Variants in COL28A1 observed in about 807,000 individuals in gnomAD.
The protein encoded by COL28A1 is collagen alpha-1(XXVIII) chain.
Under a neutral mutation model 150.2 loss-of-function variants are expected in COL28A1, and 161 were observed. That is an observed-to-expected ratio of 1.07 (90% CI 0.94 to 1.22). The LOEUF is 1.22. Among genes scored for constraint, COL28A1 ranks in the 50% most tolerant of loss-of-function variants. The pLI is 0.00. For missense variants in COL28A1, 1,617 were observed against 1,388.3 expected (o/e 1.16, Z -2.62); for synonymous variants, 552 against 469.7 (o/e 1.18, Z -2.26).
chr7:7,491,296 C>T (rs998786775), intron 11 of COL28A1, among the ~76,000 whole-genome samples: 2 of 152,138 alleles, frequency 1.3e-5, no homozygotes, highest in East Asian at 1.9e-4. Flanking sequence ...TTCTGACAAA[C>T]GAGATGTGAA....
At chr7:7,541,359 T>A in the COL28A1 span, among the ~76,000 whole-genome samples, 1 of 152,188 alleles carries the variant, frequency 6.6e-6, no homozygotes. Context: ...TTAATAATAC[T>A]AAATTCTACA....
intron 27 of COL28A1, among the ~76,000 whole-genome samples, chr7:7,415,053 C>G (rs909749277): frequency 6.6e-6 from 1 of 152,216 alleles, no homozygotes; most frequent in Non-Finnish European, 1.5e-5. Context: ...GAATGAATGA[C>G]TGGCTGAAGA....
chr7:7,531,776 G>A lies in COL28A1; in HGVS notation c.253C>T (p.Arg85Cys), dbSNP rs754599895. 2.1e-5 allele frequency: 33 copies of A among 1,605,496 alleles called. No homozygotes were observed. The Middle Eastern group carries it at 5.0e-4, about 24-fold the overall frequency. The change falls in exon 3 of 35, where the codon CGC (arginine) becomes TGC (cysteine). Residue 85 changes from arginine to cysteine, a missense_variant. By Grantham distance (180) the Arg-to-Cys change is radical. Transcript: ENST00000399429. ...SDKIFQLTPG[R>C]SLEYDIKLAA... Reference sequence around the variant, plus strand: ...AGTTTGATGTCATATTCCAAGGAGCGACCAGGAGTCAATTGGAAAATCTTG... The same window carrying A: ...AGTTTGATGTCATATTCCAAGGAGCAACCAGGAGTCAATTGGAAAATCTTG...
At chr7:7,366,276 A>AT (rs1434102778) in intron 33 of COL28A1, among the ~76,000 whole-genome samples, 1 of 152,186 alleles carries the variant, frequency 6.6e-6, no homozygotes, top group Non-Finnish European at 1.5e-5. Context: ...AAATTTTAAA[A>AT]TAGTTTTGAA....
At chr7:7,344,406 TA>T in the COL28A1 span, among the ~76,000 whole-genome samples, 2,651 of 152,210 alleles carry the variant, frequency 0.017, 70 homozygotes, top group African/African-American at 0.055. Flanking sequence ...TTCTTTGTAT[TA>T]TTTTTTAATA....
chr7:7,439,823 G>A (rs1583375934), intron 21 of COL28A1, among the ~76,000 whole-genome samples: 2 of 152,296 alleles, frequency 1.3e-5, no homozygotes, highest in East Asian at 1.9e-4. Flanking sequence ...AGCTGAGGAT[G>A]GTAACAAGAA....
chr7:7,543,236 T>G, the COL28A1 span, among the ~76,000 whole-genome samples: 2 of 152,220 alleles, frequency 1.3e-5, no homozygotes, highest in Non-Finnish European at 2.9e-5. Context: ...AACAAGAATG[T>G]TGGTTGGCAT....
At position 7,531,454 on chromosome 7, in the gene COL28A1, G is replaced by A. The variant is rs767870351; in HGVS notation, c.575C>T (p.Thr192Met). ...GISFITIALS[T>M]VVNEAKLRLI... ...ACGAAGTTTGGCTTCATTGACTACC[G>A]TAGAAAGTGCAATGGTGATAAATGA... The change falls in exon 3 of 35, where the codon ACG becomes ATG. Residue 192 changes from threonine (T) to methionine (M), a missense_variant. Physicochemically the swap from Thr to Met is moderately conservative, Grantham distance 81. Transcript: ENST00000399429. 51 of 1,593,510 alleles carry A rather than the reference G, an allele frequency of 3.2e-5. 1 individual carries two copies. The highest frequency in any genetic ancestry group is 3.1e-4 in the African/African-American group (23 of 74,540).
chr7:7,340,402 C>G, the COL28A1 span, among the ~76,000 whole-genome samples: 2 of 152,066 alleles, frequency 1.3e-5, no homozygotes, highest in African/African-American at 4.8e-5. Flanking sequence ...GAATGAAATT[C>G]TTGGGACTAC....
At chr7:7,380,533 A>G in intron 30 of COL28A1, 127 bp downstream of exon 30, 1 of 756,856 alleles carries the variant, frequency 1.3e-6, no homozygotes, top group Non-Finnish European at 2.2e-6. Flanking sequence ...GGCTGGTAGT[A>G]GTTGATCTCA....
the COL28A1 span, among the ~76,000 whole-genome samples, chr7:7,346,516 T>A: frequency 1.4e-4 from 21 of 152,096 alleles, no homozygotes; most frequent in East Asian, 2.9e-3. Context: ...AATAAAGATT[T>A]CTCCCATTGT....
chr7:7,537,993 C>T (rs1436549142), upstream of COL28A1, among the ~76,000 whole-genome samples: 1 of 152,138 alleles, frequency 6.6e-6, no homozygotes, highest in East Asian at 1.9e-4. Context: ...TGCCTTGGAG[C>T]TGTTTTGATT....
intron 15 of COL28A1, among the ~76,000 whole-genome samples, chr7:7,465,476 T>G (rs1788009579): frequency 7.2e-6 from 1 of 139,690 alleles, no homozygotes; most frequent in Non-Finnish European, 1.6e-5. Context: ...TCTCGCTGAT[T>G]GCTAGCACAG....
intron 27 of COL28A1, among the ~76,000 whole-genome samples, chr7:7,388,008 T>C (rs1277938760): frequency 6.6e-5 from 10 of 152,254 alleles, no homozygotes; most frequent in African/African-American, 2.2e-4. Flanking sequence ...TTTGTATTCA[T>C]ACCAATTTCA....
intron 19 of COL28A1, 89 bp downstream of exon 19, chr7:7,444,329 T>C (rs1786073516): frequency 6.4e-7 from 1 of 1,567,074 alleles, no homozygotes. Context: ...AAGTTTGTCC[T>C]GAATGGTTTT....
At chr7:7,339,870 C>G in the COL28A1 span, among the ~76,000 whole-genome samples, 54 of 152,244 alleles carry the variant, frequency 3.5e-4, 1 homozygote, top group African/African-American at 1.3e-3. Flanking sequence ...CAAATTGTTT[C>G]TACATGATGA....
chr7:7,517,511 CA>C (rs1264868457), intron 7 of COL28A1, among the ~76,000 whole-genome samples: 3 of 152,132 alleles, frequency 2.0e-5, no homozygotes, highest in Admixed American at 1.3e-4. Context: ...AGAAATAAAG[CA>C]AACAGTTTTC....
chr7:7,438,207 G>A (rs1303764683), intron 21 of COL28A1, among the ~76,000 whole-genome samples: 13 of 152,188 alleles, frequency 8.5e-5, no homozygotes, highest in South Asian at 2.1e-4. Context: ...AGCTGAGATC[G>A]CATCACTGCA....
At chr7:7,359,190 A>G (rs889238054) in intron 34 of COL28A1, among the ~76,000 whole-genome samples, 1 of 152,044 alleles carries the variant, frequency 6.6e-6, no homozygotes, top group African/African-American at 2.4e-5. Flanking sequence ...AATAAAAAAT[A>G]TTTCCACTTT....
Sources: gnomAD v4.1 joint callset for allele counts (sites outside exome capture counted in the v4.1 genomes callset) on GRCh38, gnomAD v4.1.1 for gene constraint, MANE v1.5 for transcripts, NCBI Gene and HGNC (gene_info 2026-07-23, HGNC 2026-07-21) for gene names.